DUSP3: variants seen among roughly 807,000 people sequenced by gnomAD.
The protein encoded by DUSP3 is dual specificity protein phosphatase 3.
DUSP3 carries 7 observed loss-of-function variants against 15.5 expected under a neutral mutation model. The observed-to-expected ratio is 0.45, with a 90% CI of 0.26 to 0.85. The LOEUF (loss-of-function observed/expected upper bound fraction) is 0.85. Ranked by LOEUF, DUSP3 falls within the 40% of genes least tolerant of loss-of-function variation. The probability of loss-of-function intolerance (pLI) is 0.18; values close to 1 mark genes in which losing one functional copy is unlikely to be tolerated. For synonymous variants in DUSP3, 86 were observed against 104.2 expected (o/e 0.83, Z 1.07); for missense variants, 209 against 251.7 (o/e 0.83, Z 1.15).
At position 43,767,828 on chromosome 17, in the gene DUSP3, A is replaced by T. The variant is rs1451653245; in HGVS notation, c.*1781T>A. On this transcript the variant is annotated 3_prime_UTR_variant, in exon 3 of 3. Coordinates refer to ENST00000226004, the MANE Select transcript of DUSP3 (RefSeq NM_004090.4). The stretch of plus-strand genomic sequence containing the variant: ...AGAGAAAAGCGGACAGCAAATGACC[A>T]GGCTGGGCAGGGCTGCTTCTGTGTG... 2.6e-5 allele frequency: 4 copies of T among 152,144 alleles called. No homozygotes were observed. The highest frequency in any genetic ancestry group is 6.5e-5 in the Admixed American group (1 of 15,272). The allele number at this position is 152,144 out of a possible 1,614,324, so 9.4% of individuals were successfully genotyped here.
At position 43,768,136 on chromosome 17, in the gene DUSP3, A is replaced by G. The variant is rs1424066964; in HGVS notation, c.*1473T>C. 6.6e-6 allele frequency: 1 copy of G among 152,158 alleles called. No homozygotes were observed. Among genetic ancestry groups the G allele is most frequent in the Non-Finnish European group, 1.5e-5 (1 of 68,038 alleles). 9.4% of individuals were successfully genotyped at this position (152,158 alleles called of 1,614,324 possible). On this transcript the variant is annotated 3_prime_UTR_variant, in exon 3 of 3. Transcript: ENST00000226004. ...CCCACCAGAACAATGCCCTATATAT[A>G]TTTGGTGCTCAAAAAGTGTTTACTT...
In DUSP3 at chr17:43,778,910, G is replaced by T; in HGVS notation, c.15C>A (p.Phe5Leu). The T allele has an allele frequency of 1.4e-6, 2 of 1,473,218 alleles. No individual in the cohort carries two copies. The highest frequency in any genetic ancestry group is 1.8e-6 in the Non-Finnish European group (2 of 1,109,356). The allele number at this position is 1,473,218 out of a possible 1,614,324, so 91.3% of individuals were successfully genotyped here. MSGSFELSVQDLNDL... is the reference protein window; with the variant it reads MSGSLELSVQDLNDL... ...CGTTGAGATCCTGCACCGAGAGCTCGAACGAGCCCGACATGGCGGCGGCGG... is the reference window on the plus strand; with the variant it reads ...CGTTGAGATCCTGCACCGAGAGCTCTAACGAGCCCGACATGGCGGCGGCGG... Residue 5 changes from phenylalanine (F) to leucine (L), a missense_variant, in exon 1 of 3, where the codon TTC becomes TTA. By Grantham distance (22) the Phe-to-Leu change is conservative. Coordinates refer to ENST00000226004, the MANE Select transcript of DUSP3 (RefSeq NM_004090.4).
In DUSP3 at chr17:43,768,558, C is replaced by A; in HGVS notation, c.*1051G>T. The A allele has an allele frequency of 6.6e-6, 1 of 152,284 alleles. No homozygotes were observed. Among genetic ancestry groups the A allele is most frequent in the Non-Finnish European group, 1.5e-5 (1 of 68,058 alleles). 9.4% of individuals were successfully genotyped at this position (152,284 alleles called of 1,614,324 possible). ...AATGGGCAGGGTGTGTGCCTGGGACCTTTCACTTCCCTGCTTGTCTTCTGG... is the reference window on the plus strand; with the variant it reads ...AATGGGCAGGGTGTGTGCCTGGGACATTTCACTTCCCTGCTTGTCTTCTGG... On this transcript the variant is annotated 3_prime_UTR_variant, in exon 3 of 3. Transcript: ENST00000226004.
At chr17:43,778,714 A>C (rs1231126186) in intron 1 of DUSP3, 86 bp downstream of exon 1, 1 of 1,385,446 alleles carries the variant, frequency 7.2e-7, no homozygotes, top group Non-Finnish European at 9.4e-7. Context: ...CCCCCAACCC[A>C]AGACTCGCGA....
At chr17:43,772,781 T>C (rs146407022) in intron 2 of DUSP3, among the ~76,000 whole-genome samples, 1 of 152,148 alleles carries the variant, frequency 6.6e-6, no homozygotes, top group East Asian at 1.9e-4. Flanking sequence ...GCAGGCTTCA[T>C]GGAAGAGAGG....
At position 43,770,992 on chromosome 17, in the gene DUSP3, G is replaced by A. The variant is rs200384666; in HGVS notation, c.353-1178C>T. 4.5e-3 allele frequency among the ~76,000 whole-genome samples: 14 copies of A among 3,084 alleles called. 1 individual carries two copies. Among genetic ancestry groups the A allele is most frequent in the South Asian group, 0.039 (3 of 76 alleles). The allele number at this position is 3,084 out of a possible 152,430, so 2.0% of individuals were successfully genotyped here. A position where few individuals can be genotyped will look rare whatever the true frequency, so the allele number is the denominator to read the frequency against. The stretch of plus-strand genomic sequence containing the variant: ...AGTGTGTGTGTGCGTGTATATATAT[G>A]TGTGTGTGTGTGTGTGTGTGTGTGT... On this transcript the variant is annotated intron_variant, in intron 2 of 2. Transcript: ENST00000226004.
At chr17:43,775,340 T>A (rs183531229) in intron 1 of DUSP3, among the ~76,000 whole-genome samples, 45 of 152,266 alleles carry the variant, frequency 3.0e-4, no homozygotes, top group South Asian at 1.0e-3. Context: ...ACTAACTGGG[T>A]CTGCATCCTG....
intron 2 of DUSP3, among the ~76,000 whole-genome samples, chr17:43,772,945 G>A (rs1445678485): frequency 6.6e-6 from 1 of 152,218 alleles, no homozygotes; most frequent in African/African-American, 2.4e-5. Context: ...CAAAGTCAGA[G>A]AGCTTGAAAT....
Position 43,769,784 on chromosome 17 carries a change from T to A in DUSP3, c.383A>T (p.Tyr128Phe). 1 of 1,614,082 alleles carries A rather than the reference T, an allele frequency of 6.2e-7. No individual in the cohort carries two copies. The highest frequency in any genetic ancestry group is 2.2e-5 in the East Asian group (1 of 44,866). ...GATAACTAGCGTTGGGGAGCGGCTA[T>A]AACCTTCCCGGCAGTGGACGAGCAC... is the stretch of plus-strand genomic sequence containing the variant. ...GRVLVHCREG[Y>F]SRSPTLVIAY... Residue 128 changes from tyrosine (Y) to phenylalanine (F), a missense_variant, in exon 3 of 3, where the codon TAT becomes TTT. Transcript: ENST00000226004.
intron 2 of DUSP3, among the ~76,000 whole-genome samples, chr17:43,771,024 GTGTGTGTA>G (rs1974312723): frequency 2.0e-5 from 3 of 148,554 alleles, no homozygotes; most frequent in African/African-American, 5.0e-5. Context: ...GTGTGTGTAT[GTGTGTGTA>G]TATATATATA....
rs1974285660 is a variant in DUSP3, at chr17:43,769,601, G to C, written c.*8C>G. 1 of 1,610,340 alleles carries C rather than the reference G, an allele frequency of 6.2e-7. No homozygotes were observed. The highest frequency in any genetic ancestry group is 8.5e-7 in the Non-Finnish European group (1 of 1,179,340). Reference sequence around the variant, plus strand: ...ACGGACCTCTCGAGCAGAGGTGGTGGGGGTGCCCTAGGGTTTCAACTTCCC... The same window carrying C: ...ACGGACCTCTCGAGCAGAGGTGGTGCGGGTGCCCTAGGGTTTCAACTTCCC... On this transcript the variant is annotated 3_prime_UTR_variant, in exon 3 of 3. Transcript: ENST00000226004.
Position 43,769,578 on chromosome 17 carries a change from G to C in DUSP3, c.*31C>G. On this transcript the variant is annotated 3_prime_UTR_variant, in exon 3 of 3. Coordinates refer to ENST00000226004, the MANE Select transcript of DUSP3 (RefSeq NM_004090.4). ...CACCTTTGCCCACGGCCTCCCCCAC[G>C]GACCTCTCGAGCAGAGGTGGTGGGG... 6.2e-7 allele frequency: 1 copy of C among 1,608,384 alleles called. No individual in the cohort carries two copies. The highest frequency in any genetic ancestry group is 1.3e-5 in the African/African-American group (1 of 74,804).
At chr17:43,776,067 T>C (rs9916808) in intron 1 of DUSP3, among the ~76,000 whole-genome samples, 7,760 of 152,160 alleles carry the variant, frequency 0.051, 680 homozygotes, top group African/African-American at 0.18. Context: ...TGCAGTGTGC[T>C]GAGATTGTGC....
chr17:43,771,551 C>A (rs1287746494), intron 2 of DUSP3, among the ~76,000 whole-genome samples: 1 of 152,090 alleles, frequency 6.6e-6, no homozygotes, highest in Non-Finnish European at 1.5e-5. Flanking sequence ...ACACATGAAT[C>A]CTCTAGGTTA....
At chr17:43,777,123 G>C (rs9912672) in intron 1 of DUSP3, among the ~76,000 whole-genome samples, 16,155 of 151,916 alleles carry the variant, frequency 0.11, 1,106 homozygotes, top group African/African-American at 0.18. Context: ...CAGGCGCCAG[G>C]CACCATGCCC....
At chr17:43,771,918 G>A (rs1050901446) in intron 2 of DUSP3, among the ~76,000 whole-genome samples, 1 of 151,610 alleles carries the variant, frequency 6.6e-6, no homozygotes, top group East Asian at 1.9e-4. Context: ...GCTGAGGCAG[G>A]AGAATCACTT....
Position 43,770,988 on chromosome 17 carries a change from ATATGTG to A in DUSP3, c.353-1180_353-1175del, listed in dbSNP as rs756280378. ...ATATAGTGTGTGTGTGCGTGTATAT[ATATGTG>A]TGTGTGTGTGTGTGTGTGTGTGTGT... On this transcript the variant is annotated intron_variant, in intron 2 of 2. Transcript: ENST00000226004. Among the ~76,000 whole-genome samples the A allele has an allele frequency of 2.0e-3, 113 of 55,780 alleles. 1 individual carries two copies. The highest frequency in any genetic ancestry group is 4.0e-3 in the African/African-American group (76 of 18,962). The allele number at this position is 55,780 out of a possible 152,430, so 36.6% of individuals were successfully genotyped here.
At position 43,771,214 on chromosome 17, in the gene DUSP3, T is replaced by A. The variant is rs538967485; in HGVS notation, c.353-1400A>T. Among the ~76,000 whole-genome samples the A allele has an allele frequency of 2.0e-5, 3 of 152,108 alleles. No individual in the cohort carries two copies. In the East Asian group the frequency reaches 5.8e-4, roughly 29 times the overall value. On this transcript the variant is annotated intron_variant, in intron 2 of 2. Coordinates refer to ENST00000226004, the MANE Select transcript of DUSP3 (RefSeq NM_004090.4). Reference sequence around the variant, plus strand: ...TACTTTAAATCATCTCCAGATGACTTATGATACCCAAGACAATGTAAACAT... The same window carrying A: ...TACTTTAAATCATCTCCAGATGACTAATGATACCCAAGACAATGTAAACAT...
At chr17:43,774,583 C>G (rs1974362674) in intron 2 of DUSP3, 129 bp downstream of exon 2, 3 of 1,023,582 alleles carry the variant, frequency 2.9e-6, no homozygotes, top group African/African-American at 1.6e-5. Flanking sequence ...AGACCTACAG[C>G]TCTGTCGTTC....
Sources: gnomAD v4.1 joint callset for allele counts (sites outside exome capture counted in the v4.1 genomes callset) on GRCh38, gnomAD v4.1.1 for gene constraint, MANE v1.5 for transcripts, NCBI Gene and HGNC (gene_info 2026-07-23, HGNC 2026-07-21) for gene names.